Variants in LRRC51 observed in about 807,000 individuals in gnomAD.
The protein encoded by LRRC51 is leucine rich repeat containing 51, also known as leucine-rich repeat-containing protein 51.
LRRC51 carries 8 observed loss-of-function variants against 17.8 expected under a neutral mutation model. The ratio of observed to expected loss-of-function variants is 0.45; its 90% CI spans 0.26 to 0.81. LRRC51 has a LOEUF of 0.81. Ranked by LOEUF, LRRC51 falls within the 30% of genes least tolerant of loss-of-function variation. The probability of loss-of-function intolerance (pLI) is 0.17; values close to 1 mark genes in which losing one functional copy is unlikely to be tolerated. For synonymous variants in LRRC51, 92 were observed against 96.0 expected, an observed-to-expected ratio of 0.96 and a Z score of 0.24; for missense variants, 233 against 239.3, an observed-to-expected ratio of 0.97 and a Z score of 0.17.
At position 72,095,529 on chromosome 11, in the gene LRRC51, C is replaced by T. The variant is rs373044242; in HGVS notation, c.*9C>T. ...AGCAGAATACACTTTGAGGCTCCCA[C>T]GACCCTAGTAGTCCTAAAGGCCTAA... On this transcript the variant is annotated 3_prime_UTR_variant, in exon 6 of 6. Transcript: ENST00000289488. 26 of 1,612,874 alleles carry T rather than the reference C, an allele frequency of 1.6e-5. No individual in the cohort carries two copies. Among genetic ancestry groups the T allele is most frequent in the South Asian group, 3.3e-5 (3 of 90,906 alleles).
Position 72,089,205 on chromosome 11 carries a change from C to T in LRRC51, c.82+40C>T. 2 of 1,613,962 alleles carry T rather than the reference C, an allele frequency of 1.2e-6. 1 individual carries two copies. The highest frequency in any genetic ancestry group is 3.3e-4 in the Middle Eastern group (2 of 6,060). ...CACAGTACTCCACTCACTAAGGCAG[C>T]AGGCCCAGTGTGGTCCCTAGGAAGA... On this transcript the variant is annotated intron_variant, in intron 3 of 5. Transcript: ENST00000289488.
intron 1 of LRRC51, among the ~76,000 whole-genome samples, chr11:72,084,836 CAAAAA>C (rs386374128): frequency 2.0e-5 from 2 of 101,716 alleles, no homozygotes; most frequent in African/African-American, 8.3e-5. Context: ...GACCTTGTCT[CAAAAA>C]AAAAAAAAAA....
At chr11:72,089,944 T>G (rs1211872795) in intron 3 of LRRC51, among the ~76,000 whole-genome samples, 2 of 152,232 alleles carry the variant, frequency 1.3e-5, no homozygotes, top group African/African-American at 2.4e-5. Context: ...ATCTGGTCTT[T>G]CATTAAAGCA....
chr11:72,088,981 C>T lies in LRRC51; in HGVS notation c.-55-48C>T, dbSNP rs1025879780. The T allele has an allele frequency of 5.0e-6, 8 of 1,602,818 alleles. No homozygotes were observed. The South Asian group carries it at 8.9e-5, about 18-fold the overall frequency. On this transcript the variant is annotated intron_variant, in intron 2 of 5. Transcript: ENST00000289488. ...GCAGGGATGGAGGACTATGGGGAAA[C>T]CTGAAAGCCGGTGTACTTGAAACAC...
At chr11:72,085,408 C>T (rs1264792862) in intron 1 of LRRC51, 1 of 143,792 alleles carries the variant, frequency 7.0e-6, no homozygotes, top group Non-Finnish European at 1.5e-5. Context: ...TTTTTTTGGC[C>T]AGGCTCAATG....
chr11:72,093,294 T>C (rs564826656), intron 3 of LRRC51, among the ~76,000 whole-genome samples: 2 of 152,340 alleles, frequency 1.3e-5, no homozygotes, highest in East Asian at 1.9e-4. Context: ...GAGCTTGAGA[T>C]AGAAGTCTCT....
In LRRC51 at chr11:72,095,053, C is replaced by T; in HGVS notation, c.394C>T (p.Leu132=). The change falls in exon 5 of 6, where the codon CTG becomes TTG. Residue 132 remains leucine (L), a synonymous_variant. Coordinates refer to ENST00000289488, the MANE Select transcript of LRRC51 (RefSeq NM_145309.6). The part of the protein sequence containing the change: ...KLAVLPRLRS[L]TLHGNPMEEE... ...GGCTGTCCTTCCTCGGCTCCGTAGC[C>T]TGACACTCCATGGGAACCCCATGGA... 2 of 1,614,042 alleles carry T rather than the reference C, an allele frequency of 1.2e-6. No individual in the cohort carries two copies. The highest frequency in any genetic ancestry group is 8.5e-7 in the Non-Finnish European group (1 of 1,180,000).
In LRRC51 at chr11:72,096,858, A is replaced by G. The variant is rs1945238569; in HGVS notation, c.*1338A>G. On this transcript the variant is annotated 3_prime_UTR_variant, in exon 6 of 6. Transcript: ENST00000289488. ...TGTTTTATATGCTGGGATTCTGCTT[A>G]AGATTTCATTTGATAAAAAGAATCT... 1 of 1,268,554 alleles carries G rather than the reference A, an allele frequency of 7.9e-7. No individual in the cohort carries two copies. The highest frequency in any genetic ancestry group is 3.1e-5 in the East Asian group (1 of 32,048). The allele number at this position is 1,268,554 out of a possible 1,614,324, so 78.6% of individuals were successfully genotyped here. A position where few individuals can be genotyped will look rare whatever the true frequency, so the allele number is the denominator to read the frequency against.
chr11:72,089,013 TTC>T lies in LRRC51; in HGVS notation c.-55-12_-55-11del, dbSNP rs570039722. The T allele has an allele frequency of 1.6e-3, 2,594 of 1,610,740 alleles. 5 individuals are homozygous for T. Among genetic ancestry groups the T allele is most frequent in the Admixed American group, 1.9e-3 (116 of 59,964 alleles). The stretch of plus-strand genomic sequence containing the variant: ...GCCGGTGTACTTGAAACACTGGTCT[TTC>T]TCTGTCCTCCCAGGCTGAACCCAGA... On this transcript the variant is annotated splice_polypyrimidine_tract_variant and intron_variant, in intron 2 of 5. Coordinates refer to ENST00000289488, the MANE Select transcript of LRRC51 (RefSeq NM_145309.6).
rs1316192095 is a variant in LRRC51 at position 72,094,189 on chromosome 11, G to A, written c.288+488G>A. ...TAGTCCCAGCTACTCGGGAGGCTGA[G>A]GCAGGAGAATCACTTGAACCCAGGA... On this transcript the variant is annotated intron_variant, in intron 4 of 5. Coordinates refer to ENST00000289488, the MANE Select transcript of LRRC51 (RefSeq NM_145309.6). Among the ~76,000 whole-genome samples the A allele has an allele frequency of 2.6e-5, 4 of 151,972 alleles. No individual in the cohort carries two copies. In the East Asian group the frequency reaches 7.7e-4, roughly 29 times the overall value.
intron 1 of LRRC51, among the ~76,000 whole-genome samples, chr11:72,083,527 T>C (rs1340607655): frequency 6.6e-6 from 1 of 152,160 alleles, no homozygotes; most frequent in African/African-American, 2.4e-5. Flanking sequence ...TTTAATGTGT[T>C]TGTTAAGCAC....
intron 5 of LRRC51, 114 bp downstream of exon 5, chr11:72,095,210 G>C: frequency 1.3e-6 from 2 of 1,560,356 alleles, no homozygotes; most frequent in South Asian, 1.2e-5. Context: ...TGGGAAGGGA[G>C]TAACAGACCT....
intron 3 of LRRC51, among the ~76,000 whole-genome samples, chr11:72,090,777 A>C (rs886614217): frequency 2.6e-5 from 4 of 152,206 alleles, no homozygotes; most frequent in Admixed American, 2.6e-4. Context: ...TAGAGTGTTA[A>C]GGAAGTCCCC....
Position 72,096,854 on chromosome 11 carries a change from G to A in LRRC51, c.*1334G>A, listed in dbSNP as rs1182552457. ...ATTCTGTTTTATATGCTGGGATTCT[G>A]CTTAAGATTTCATTTGATAAAAAGA... On this transcript the variant is annotated 3_prime_UTR_variant, in exon 6 of 6. Transcript: ENST00000289488. 3.2e-6 allele frequency: 4 copies of A among 1,264,966 alleles called. No homozygotes were observed. The highest frequency in any genetic ancestry group is 3.1e-5 in the African/African-American group (2 of 64,530). The allele number at this position is 1,264,966 out of a possible 1,614,324, so 78.4% of individuals were successfully genotyped here.
At position 72,096,343 on chromosome 11, in the gene LRRC51, T is replaced by TC. The variant is rs1416157946; in HGVS notation, c.*825dup. The TC allele has an allele frequency of 1.2e-5, 2 of 171,994 alleles. No homozygotes were observed. Among genetic ancestry groups the TC allele is most frequent in the African/African-American group, 2.4e-5 (1 of 41,812 alleles). The allele number at this position is 171,994 out of a possible 1,614,324, so 10.7% of individuals were successfully genotyped here. ...GTCTTGAACTCCTGACCTCAGGTGA[T>TC]CCGTCTGCTTTGGCCTCCCAAAGTG... On this transcript the variant is annotated 3_prime_UTR_variant, in exon 6 of 6. Coordinates refer to ENST00000289488, the MANE Select transcript of LRRC51 (RefSeq NM_145309.6).
intron 4 of LRRC51, 126 bp from the exon 5 acceptor site, chr11:72,094,822 G>A: frequency 6.4e-7 from 1 of 1,559,290 alleles, no homozygotes; most frequent in Non-Finnish European, 8.8e-7. Flanking sequence ...CAGTATGGCT[G>A]TGGAGGGTTG....
chr11:72,084,928 C>T (rs1944449413), intron 1 of LRRC51, among the ~76,000 whole-genome samples: 1 of 15,998 alleles, frequency 6.3e-5, no homozygotes, highest in Non-Finnish European at 4.0e-4. Context: ...GCTATACATT[C>T]TAGGTTATAT....
Position 72,086,437 on chromosome 11 carries a change from A to G in LRRC51, c.-139-1860A>G, listed in dbSNP as rs761022813. 4 of 702,278 alleles carry G rather than the reference A, an allele frequency of 5.7e-6. No homozygotes were observed. In the African/African-American group the frequency reaches 7.0e-5, roughly 12 times the overall value. 43.5% of individuals were successfully genotyped at this position (702,278 alleles called of 1,614,324 possible). A position where few individuals can be genotyped will look rare whatever the true frequency, so the allele number is the denominator to read the frequency against. ...CTGTGAACAAGGTGTGGACTGAAAC[A>G]GCTGAACCTGGGAACCAATTGTTAG... is the stretch of plus-strand genomic sequence containing the variant. On this transcript the variant is annotated intron_variant, in intron 1 of 5. Transcript: ENST00000289488.
intron 4 of LRRC51, 57 bp downstream of exon 4, chr11:72,093,758 C>A (rs1025608030): frequency 1.8e-5 from 27 of 1,493,648 alleles, no homozygotes; most frequent in Non-Finnish European, 2.5e-5. Flanking sequence ...TTTGTTCAGC[C>A]CCCAACCTCT....
Sources: gnomAD v4.1 joint callset for allele counts (sites outside exome capture counted in the v4.1 genomes callset) on GRCh38, gnomAD v4.1.1 for gene constraint, MANE v1.5 for transcripts, NCBI Gene and HGNC (gene_info 2026-07-23, HGNC 2026-07-21) for gene names.